SPCS2: variants seen among roughly 807,000 people sequenced by gnomAD.
The protein encoded by SPCS2 is SPase 25 kDa subunit.
Under a neutral mutation model 22.3 loss-of-function variants are expected in SPCS2, and 3 were observed. That is an observed-to-expected ratio of 0.13 (90% CI 0.06 to 0.35). SPCS2 has a LOEUF of 0.35. Ranked by LOEUF, SPCS2 falls within the 10% of genes least tolerant of loss-of-function variation. The pLI, the probability that SPCS2 is intolerant of heterozygous loss-of-function variation, is 1.00. For synonymous variants in SPCS2, 67 were observed against 97.2 expected (o/e 0.69, Z 1.83); for missense variants, 169 against 280.9 (o/e 0.60, Z 2.85).
intron 3 of SPCS2, among the ~76,000 whole-genome samples, chr11:74,968,817 G>T (rs1431575814): frequency 2.6e-5 from 4 of 151,990 alleles, no homozygotes; most frequent in Non-Finnish European, 5.9e-5. Flanking sequence ...GAGCCACCAC[G>T]CCTAGCCTTA....
intron 1 of SPCS2, among the ~76,000 whole-genome samples, chr11:74,960,127 T>G (rs1046243314): frequency 2.0e-5 from 3 of 152,168 alleles, no homozygotes; most frequent in Admixed American, 2.0e-4. Context: ...GGCCAGGAGT[T>G]CGAGACTAGC....
At chr11:74,966,841 G>T (rs1312418876) in intron 3 of SPCS2, among the ~76,000 whole-genome samples, 3 of 152,072 alleles carry the variant, frequency 2.0e-5, no homozygotes, top group African/African-American at 7.2e-5. Flanking sequence ...ATGACTCACT[G>T]CAGCGTCAGC....
chr11:74,958,808 A>G (rs778074688), intron 1 of SPCS2, among the ~76,000 whole-genome samples: 4 of 151,884 alleles, frequency 2.6e-5, no homozygotes, highest in Admixed American at 2.0e-4. Flanking sequence ...CAGTCCCCCT[A>G]CTGCTGCTCT....
rs947482536 is a variant in SPCS2 at position 74,949,395 on chromosome 11, A to G, written c.110A>G (p.Asp37Gly). The change falls in exon 1 of 5, where the codon GAT becomes GGT. Residue 37 changes from aspartate (D) to glycine (G), a missense_variant. Physicochemically the swap from Asp to Gly is moderately conservative, Grantham distance 94. Coordinates refer to ENST00000263672, the MANE Select transcript of SPCS2 (RefSeq NM_014752.3). ...GGAAGTGGCCGTAGCGGCTTGTTGG[A>G]TAAGGTGAGGAGCCGGTTCTTGGGA... ...GTGSGRSGLL[D>G]KWKIDDKPVK... 6.4e-7 allele frequency: 1 copy of G among 1,551,062 alleles called. No individual in the cohort carries two copies. Among genetic ancestry groups the G allele is most frequent in the African/African-American group, 1.4e-5 (1 of 73,040 alleles).
chr11:74,971,797 C>T (rs948977728), intron 4 of SPCS2, among the ~76,000 whole-genome samples: 1 of 152,222 alleles, frequency 6.6e-6, no homozygotes, highest in Non-Finnish European at 1.5e-5. Flanking sequence ...ACTCCTTCAG[C>T]ATATGAAGTA....
chr11:74,951,183 A>G (rs1307035273), intron 1 of SPCS2, among the ~76,000 whole-genome samples: 1 of 152,230 alleles, frequency 6.6e-6, no homozygotes, highest in Non-Finnish European at 1.5e-5. Context: ...TATTTCTGCT[A>G]CTTGCTAACA....
chr11:74,951,139 C>T (rs189255155), intron 1 of SPCS2, among the ~76,000 whole-genome samples: 3 of 152,264 alleles, frequency 2.0e-5, no homozygotes, highest in Admixed American at 1.3e-4. Flanking sequence ...TGAAAGAACC[C>T]GGATGTGGGG....
intron 1 of SPCS2, among the ~76,000 whole-genome samples, chr11:74,952,377 A>G (rs930904801): frequency 1.3e-5 from 2 of 152,214 alleles, no homozygotes; most frequent in Non-Finnish European, 2.9e-5. Context: ...AATATTGTGG[A>G]CATTCATACA....
At chr11:74,955,865 T>TAC (rs1349331408) in intron 1 of SPCS2, among the ~76,000 whole-genome samples, 1 of 100,886 alleles carries the variant, frequency 9.9e-6, no homozygotes, top group African/African-American at 4.7e-5. Context: ...TATATATATA[T>TAC]ATATATATAT....
At chr11:74,961,967 A>G (rs988023027) in intron 1 of SPCS2, among the ~76,000 whole-genome samples, 1 of 152,340 alleles carries the variant, frequency 6.6e-6, no homozygotes, top group Admixed American at 6.5e-5. Context: ...ATAATGAGCC[A>G]TGTATTTGTA....
intron 3 of SPCS2, among the ~76,000 whole-genome samples, chr11:74,967,189 C>T (rs578042180): frequency 2.0e-5 from 3 of 152,342 alleles, no homozygotes; most frequent in Admixed American, 6.5e-5. Context: ...TGATCCTTGA[C>T]TCCTTTCAGT....
chr11:74,962,519 A>G (rs991946987), intron 1 of SPCS2, among the ~76,000 whole-genome samples: 1 of 151,594 alleles, frequency 6.6e-6, no homozygotes, highest in Non-Finnish European at 1.5e-5. Context: ...AGCAATTTGC[A>G]ATTAGTGTTG....
At position 74,966,364 on chromosome 11, in the gene SPCS2, C is replaced by G. The variant is rs139657481; in HGVS notation, c.359+441C>G. ...AGCTGAGGAGCTGAACTGGAAAGTA[C>G]TGAGCATGAGATACAAGTGTGGCTT... On this transcript the variant is annotated intron_variant, in intron 3 of 4. Transcript: ENST00000263672. Among the ~76,000 whole-genome samples, 634 of 152,306 alleles carry G rather than the reference C, an allele frequency of 4.2e-3. 3 individuals are homozygous for G. The highest frequency in any genetic ancestry group is 6.0e-3 in the Non-Finnish European group (411 of 68,026).
rs1948568998 is a variant in SPCS2 at position 74,969,639 on chromosome 11, G to A, written c.434G>A (p.Arg145Lys). 6.2e-7 allele frequency: 1 copy of A among 1,613,300 alleles called. No homozygotes were observed. Among genetic ancestry groups the A allele is most frequent in the East Asian group, 2.2e-5 (1 of 44,874 alleles). The change falls in exon 4 of 5, where the codon AGG becomes AAG. Residue 145 changes from arginine to lysine, a missense_variant. By Grantham distance (26) the Arg-to-Lys change is conservative. Transcript: ENST00000263672. ...AAGAGCATCTTTCTCGTGGCCCACA[G>A]GAAAGATCCTACAGGAATGGATCCT... ...KEKSIFLVAHRKDPTGMDPDD... is the reference protein window; with the variant it reads ...KEKSIFLVAHKKDPTGMDPDD...
chr11:74,963,235 T>C (rs1255145195), intron 1 of SPCS2, among the ~76,000 whole-genome samples: 3 of 152,214 alleles, frequency 2.0e-5, no homozygotes, highest in Non-Finnish European at 4.4e-5. Context: ...TCGTGTTTGA[T>C]TTGTAGGCTG....
At chr11:74,975,355 CT>C (rs1420978232) in intron 4 of SPCS2, among the ~76,000 whole-genome samples, 2 of 152,110 alleles carry the variant, frequency 1.3e-5, no homozygotes, top group African/African-American at 4.8e-5. Context: ...AGAACATCTT[CT>C]TTTTTTATAC....
intron 3 of SPCS2, 22 bp downstream of exon 3, chr11:74,965,945 G>T: frequency 6.3e-7 from 1 of 1,577,440 alleles, no homozygotes; most frequent in South Asian, 1.2e-5. Flanking sequence ...TTATGCTCAG[G>T]TTGTTTTCTA....
At chr11:74,973,285 C>T (rs1208638230) in intron 4 of SPCS2, among the ~76,000 whole-genome samples, 1 of 152,150 alleles carries the variant, frequency 6.6e-6, no homozygotes, top group Non-Finnish European at 1.5e-5. Flanking sequence ...GTTAAACACA[C>T]ACCTAGTCTT....
chr11:74,961,182 A>G (rs984075436), intron 1 of SPCS2, among the ~76,000 whole-genome samples: 7 of 152,216 alleles, frequency 4.6e-5, no homozygotes, highest in African/African-American at 1.7e-4. Flanking sequence ...TATCATTAAT[A>G]GCAACAGCAA....
Sources: allele counts gnomAD v4.1 joint callset (sites outside exome capture counted in the v4.1 genomes callset), GRCh38; gene constraint gnomAD v4.1.1; transcripts MANE v1.5; gene names NCBI Gene and HGNC (gene_info 2026-07-23, HGNC 2026-07-21).